Variants in RARB observed in about 807,000 individuals in gnomAD.
The protein encoded by RARB is retinoic acid receptor beta.
RARB carries 17 observed loss-of-function variants against 51.9 expected under a neutral mutation model. That is an observed-to-expected ratio of 0.33 (90% CI 0.22 to 0.49). The LOEUF (loss-of-function observed/expected upper bound fraction) is 0.49. Among genes scored for constraint, RARB ranks in the 20% least tolerant of loss-of-function variants. The probability of loss-of-function intolerance (pLI) is 0.99; values close to 1 mark genes in which losing one functional copy is unlikely to be tolerated. For synonymous variants in RARB, 215 were observed against 195.4 expected, an observed-to-expected ratio of 1.10 and a Z score of -0.84; for missense variants, 369 against 550.8, an observed-to-expected ratio of 0.67 and a Z score of 3.30.
chr3:24,874,485 G>A (rs1703006044), intron 2 of RARB, among the ~76,000 whole-genome samples: 1 of 151,968 alleles, frequency 6.6e-6, no homozygotes, highest in Non-Finnish European at 1.5e-5. Flanking sequence ...CAGGTTAACA[G>A]GTACAGATAA....
intron 2 of RARB, among the ~76,000 whole-genome samples, chr3:24,882,752 C>G (rs1703191955): frequency 6.6e-6 from 1 of 152,188 alleles, no homozygotes; most frequent in Admixed American, 6.5e-5. Flanking sequence ...CCCCATGTCT[C>G]TGCTGTCAGA....
intron 2 of RARB, among the ~76,000 whole-genome samples, chr3:24,909,308 A>G (rs1694939620): frequency 1.3e-5 from 2 of 152,228 alleles, no homozygotes; most frequent in South Asian, 4.1e-4. Flanking sequence ...ATATTCTTCT[A>G]TAACACATTT....
At chr3:24,935,416 T>A (rs986295418) in intron 2 of RARB, among the ~76,000 whole-genome samples, 2 of 152,102 alleles carry the variant, frequency 1.3e-5, no homozygotes, top group Non-Finnish European at 2.9e-5. Context: ...TATGAAAATC[T>A]GAAAAATCTA....
intron 2 of RARB, among the ~76,000 whole-genome samples, chr3:25,038,463 A>G (rs1180850370): frequency 1.3e-5 from 2 of 152,154 alleles, no homozygotes; most frequent in African/African-American, 4.8e-5. Context: ...TGACTCATAA[A>G]CTTGGAGAGA....
intron 5 of RARB, among the ~76,000 whole-genome samples, chr3:25,410,596 C>T (rs13085878): frequency 0.18 from 27,965 of 152,150 alleles, 3,010 homozygotes; most frequent in Admixed American, 0.31. Flanking sequence ...TTATAGTCCC[C>T]TAAGCCCTGT....
intron 5 of RARB, among the ~76,000 whole-genome samples, chr3:25,254,176 A>G (rs1158444488): frequency 2.0e-5 from 3 of 152,198 alleles, no homozygotes; most frequent in African/African-American, 7.2e-5. Flanking sequence ...GTAATACATC[A>G]TGGAATAAGG....
intron 5 of RARB, among the ~76,000 whole-genome samples, chr3:25,334,955 A>G (rs1017383091): frequency 4.6e-5 from 7 of 152,160 alleles, no homozygotes; most frequent in Non-Finnish European, 8.8e-5. Context: ...GAATGTGAAG[A>G]TAAGAAACAA....
chr3:25,108,949 G>A (rs1699555341), intron 3 of RARB, among the ~76,000 whole-genome samples: 1 of 152,082 alleles, frequency 6.6e-6, no homozygotes, highest in African/African-American at 2.4e-5. Context: ...TGCAAACAGT[G>A]GGCTGTAGAG....
At chr3:24,911,479 G>A (rs372818288) in intron 2 of RARB, among the ~76,000 whole-genome samples, 2 of 152,186 alleles carry the variant, frequency 1.3e-5, no homozygotes, top group African/African-American at 4.8e-5. Context: ...TATGGAGGAG[G>A]AATGGTCCCA....
At chr3:25,102,626 AT>A (rs1270313227) in intron 3 of RARB, among the ~76,000 whole-genome samples, 2 of 152,058 alleles carry the variant, frequency 1.3e-5, no homozygotes, top group East Asian at 3.9e-4. Context: ...GAATTTCTAT[AT>A]TTTTGAGTTT....
At chr3:25,067,665 A>G (rs1480793844) in intron 3 of RARB, among the ~76,000 whole-genome samples, 2 of 152,172 alleles carry the variant, frequency 1.3e-5, no homozygotes, top group African/African-American at 2.4e-5. Flanking sequence ...AAATATTTCA[A>G]TGAATAAATC....
intron 2 of RARB, among the ~76,000 whole-genome samples, chr3:25,000,207 G>C (rs190344401): frequency 1.3e-5 from 2 of 152,294 alleles, no homozygotes; most frequent in Admixed American, 1.3e-4. Flanking sequence ...GATTCTGGTA[G>C]TTCCATCAGT....
At chr3:25,247,882 T>A (rs1226455928) in intron 5 of RARB, among the ~76,000 whole-genome samples, 1 of 152,252 alleles carries the variant, frequency 6.6e-6, no homozygotes, top group Admixed American at 6.5e-5. Context: ...TTCTGTAAAT[T>A]AATGTTAGAT....
At chr3:25,038,993 C>T (rs1559443697) in intron 2 of RARB, among the ~76,000 whole-genome samples, 1 of 152,172 alleles carries the variant, frequency 6.6e-6, no homozygotes. Context: ...GACAGAGGAG[C>T]AGCTACTTTG....
chr3:25,453,748 G>T (rs1369562730), intron 1 of RARB, among the ~76,000 whole-genome samples: 1 of 152,110 alleles, frequency 6.6e-6, no homozygotes, highest in East Asian at 1.9e-4. Flanking sequence ...CCTCGGCCAG[G>T]ATCCCTGGTG....
intron 5 of RARB, among the ~76,000 whole-genome samples, chr3:25,406,634 A>G (rs1707416978): frequency 6.6e-6 from 1 of 152,182 alleles, no homozygotes; most frequent in Non-Finnish European, 1.5e-5. Context: ...TTCTTTAAAG[A>G]CCTTGTTGCT....
At chr3:25,048,649 T>A (rs1286405390) in intron 2 of RARB, among the ~76,000 whole-genome samples, 1 of 152,198 alleles carries the variant, frequency 6.6e-6, no homozygotes, top group Non-Finnish European at 1.5e-5. Flanking sequence ...TAATTTCAGA[T>A]TTCTTTGGTC....
intron 2 of RARB, among the ~76,000 whole-genome samples, chr3:24,913,705 CA>C (rs1173825529): frequency 1.3e-5 from 2 of 152,008 alleles, no homozygotes; most frequent in Non-Finnish European, 2.9e-5. Flanking sequence ...CAATAGCCAA[CA>C]AAAAATTAAG....
At chr3:25,486,814 A>G (rs1285542039) in intron 2 of RARB, among the ~76,000 whole-genome samples, 1 of 152,108 alleles carries the variant, frequency 6.6e-6, no homozygotes, top group East Asian at 1.9e-4. Context: ...GCTAATTTTG[A>G]ATTTCTAATA....
Sources: allele counts gnomAD v4.1 joint callset (sites outside exome capture counted in the v4.1 genomes callset), GRCh38; gene constraint gnomAD v4.1.1; transcripts MANE v1.5; gene names NCBI Gene and HGNC (gene_info 2026-07-23, HGNC 2026-07-21).